The following GALNT13 variants were observed in gnomAD, a reference collection of about 807,000 sequenced individuals.
GALNT13 encodes UDP-GalNAc:polypeptide N-acetylgalactosaminyltransferase 13.
Under a neutral mutation model 64.2 loss-of-function variants are expected in GALNT13, and 28 were observed. The observed-to-expected ratio is 0.44, with a 90% confidence interval of 0.32 to 0.60. The LOEUF (loss-of-function observed/expected upper bound fraction) is 0.60. Among genes scored for constraint, GALNT13 ranks in the 20% least tolerant of loss-of-function variants. GALNT13 has a pLI of 0.05. For missense variants in GALNT13, 577 were observed against 669.8 expected, an observed-to-expected ratio of 0.86 and a Z score of 1.53; for synonymous variants, 214 against 224.6, an observed-to-expected ratio of 0.95 and a Z score of 0.42.
the GALNT13 span, among the ~76,000 whole-genome samples, chr2:153,750,178 C>T: frequency 6.6e-6 from 1 of 151,674 alleles, no homozygotes; most frequent in African/African-American, 2.4e-5. Context: ...AAATAATCCC[C>T]CTTGTTCATG....
the GALNT13 span, among the ~76,000 whole-genome samples, chr2:153,167,302 C>A: frequency 2.6e-5 from 4 of 152,174 alleles, no homozygotes; most frequent in South Asian, 8.3e-4. Context: ...TTTTCTTTGG[C>A]CCATTGAATC....
At chr2:153,523,026 C>T in the GALNT13 span, among the ~76,000 whole-genome samples, 1 of 141,436 alleles carries the variant, frequency 7.1e-6, no homozygotes, top group African/African-American at 2.7e-5. Flanking sequence ...GTGAAGGATG[C>T]AAGGTCTGTG....
intron 3 of GALNT13, among the ~76,000 whole-genome samples, chr2:154,093,955 TAC>T (rs948059454): frequency 6.6e-6 from 1 of 151,856 alleles, no homozygotes; most frequent in Non-Finnish European, 1.5e-5. Context: ...TGACTTGTCA[TAC>T]AGGTAAGATC....
chr2:153,696,437 C>G, the GALNT13 span, among the ~76,000 whole-genome samples: 17 of 152,066 alleles, frequency 1.1e-4, no homozygotes, highest in African/African-American at 4.1e-4. Flanking sequence ...TTTGGTAACA[C>G]CCTCACAGAC....
chr2:153,534,432 C>T, the GALNT13 span, among the ~76,000 whole-genome samples: 50 of 151,754 alleles, frequency 3.3e-4, no homozygotes, highest in East Asian at 5.8e-4. Flanking sequence ...TGAAACAGGA[C>T]GGCTAGAGTG....
chr2:153,534,681 C>G, the GALNT13 span, among the ~76,000 whole-genome samples: 5 of 151,866 alleles, frequency 3.3e-5, no homozygotes, highest in South Asian at 8.3e-4. Flanking sequence ...GGTTTGTTCT[C>G]TGGCGGGCAG....
intron 9 of GALNT13, among the ~76,000 whole-genome samples, chr2:154,311,355 C>G (rs1472957095): frequency 6.6e-6 from 1 of 152,028 alleles, no homozygotes; most frequent in Non-Finnish European, 1.5e-5. Flanking sequence ...AATTTTAAAG[C>G]TGGGCGTCCA....
At chr2:154,403,974 A>C (rs1699415666) in intron 10 of GALNT13, among the ~76,000 whole-genome samples, 1 of 152,194 alleles carries the variant, frequency 6.6e-6, no homozygotes, top group Non-Finnish European at 1.5e-5. Context: ...TGGCACATAC[A>C]ATTCAAATAG....
At chr2:153,240,480 G>A in the GALNT13 span, among the ~76,000 whole-genome samples, 5 of 152,056 alleles carry the variant, frequency 3.3e-5, no homozygotes, top group African/African-American at 1.2e-4. Context: ...CCTGCCTCTG[G>A]TGATAGATCA....
the GALNT13 span, among the ~76,000 whole-genome samples, chr2:153,603,178 T>C: frequency 1.3e-5 from 2 of 151,934 alleles, no homozygotes; most frequent in African/African-American, 4.8e-5. Flanking sequence ...ACATGAGAAG[T>C]ACTTGTGCAT....
the GALNT13 span, among the ~76,000 whole-genome samples, chr2:153,121,036 A>C: frequency 6.6e-6 from 1 of 152,234 alleles, no homozygotes; most frequent in Admixed American, 6.5e-5. Flanking sequence ...TGCTCCAGTT[A>C]GAAAGACCAC....
At chr2:154,422,368 TTTCAA>T (rs1700291144) in intron 11 of GALNT13, among the ~76,000 whole-genome samples, 1 of 152,152 alleles carries the variant, frequency 6.6e-6, no homozygotes, top group Admixed American at 6.5e-5. Flanking sequence ...GTAGAAACTT[TTTCAA>T]TTCATTTCTT....
intron 1 of GALNT13, among the ~76,000 whole-genome samples, chr2:153,888,750 A>G (rs1014902835): frequency 1.3e-5 from 2 of 152,030 alleles, no homozygotes; most frequent in Non-Finnish European, 2.9e-5. Context: ...TTTTCAACCA[A>G]GGTTACATGT....
At chr2:154,342,417 G>A (rs1383619861) in intron 9 of GALNT13, among the ~76,000 whole-genome samples, 1 of 151,932 alleles carries the variant, frequency 6.6e-6, no homozygotes, top group Non-Finnish European at 1.5e-5. Context: ...CAGTATATGT[G>A]GCTTGGTTTA....
At chr2:153,699,084 C>T in the GALNT13 span, among the ~76,000 whole-genome samples, 5 of 152,010 alleles carry the variant, frequency 3.3e-5, no homozygotes, top group African/African-American at 1.2e-4. Context: ...ATTTTCCGGT[C>T]ATGGAGGTGT....
At chr2:153,543,294 A>C in the GALNT13 span, among the ~76,000 whole-genome samples, 1 of 152,144 alleles carries the variant, frequency 6.6e-6, no homozygotes, top group Non-Finnish European at 1.5e-5. Context: ...GGAAGACAAT[A>C]ATTCTTGTGT....
intron 11 of GALNT13, among the ~76,000 whole-genome samples, chr2:154,432,323 T>G (rs1700748032): frequency 6.6e-6 from 1 of 152,188 alleles, no homozygotes; most frequent in South Asian, 2.1e-4. Flanking sequence ...AAAATCAGAT[T>G]TCCCTATGCA....
At chr2:153,288,454 C>G in the GALNT13 span, among the ~76,000 whole-genome samples, 5 of 152,166 alleles carry the variant, frequency 3.3e-5, no homozygotes, top group Admixed American at 2.6e-4. Context: ...AAATTGGACA[C>G]CATTCTGAGT....
the GALNT13 span, among the ~76,000 whole-genome samples, chr2:153,525,171 C>T: frequency 5.9e-5 from 9 of 152,300 alleles, no homozygotes; most frequent in East Asian, 7.7e-4. Flanking sequence ...ACTGCCTTGA[C>T]GAGAAGAAAC....
Sources: allele counts gnomAD v4.1 joint callset (sites outside exome capture counted in the v4.1 genomes callset), GRCh38; gene constraint gnomAD v4.1.1; transcripts MANE v1.5; gene names NCBI Gene and HGNC (gene_info 2026-07-23, HGNC 2026-07-21).